Variants in BTG4 observed in about 807,000 individuals in gnomAD.
The protein encoded by BTG4 is BTG anti-proliferation factor 4, also known as protein BTG4.
A neutral mutation model predicts 19.3 loss-of-function variants in BTG4; 10 were observed. The ratio of observed to expected loss-of-function variants is 0.52; its 90% confidence interval spans 0.32 to 0.88. The LOEUF is 0.88. BTG4 is among the 40% of genes least tolerant of loss of function. The pLI is 0.04. For synonymous variants in BTG4, 91 were observed against 95.7 expected, an observed-to-expected ratio of 0.95 and a Z score of 0.29; for missense variants, 238 against 281.9, an observed-to-expected ratio of 0.84 and a Z score of 1.11.
chr11:111,402,496 G>T, the BTG4 span, among the ~76,000 whole-genome samples: 1 of 152,192 alleles, frequency 6.6e-6, no homozygotes, highest in Non-Finnish European at 1.5e-5. Context: ...GAGGAAAAGT[G>T]AATTCTATGT....
chr11:111,454,355 G>A, the BTG4 span: 3 of 454,184 alleles, frequency 6.6e-6, no homozygotes, highest in South Asian at 3.1e-5. Context: ...CACGAAGGAA[G>A]AGGTAACTGG....
downstream of BTG4, among the ~76,000 whole-genome samples, chr11:111,492,524 G>A (rs775850748): frequency 2.1e-4 from 32 of 152,080 alleles, no homozygotes; most frequent in South Asian, 2.1e-4. Flanking sequence ...ATTTAATGCC[G>A]TGTATCAGAT....
chr11:111,416,200 G>A, the BTG4 span, among the ~76,000 whole-genome samples: 1 of 152,078 alleles, frequency 6.6e-6, no homozygotes, highest in Non-Finnish European at 1.5e-5. Flanking sequence ...ACTACTGAGG[G>A]TTGAGCCTGA....
At chr11:111,481,453 T>C (rs1864734864) in intron 5 of BTG4, among the ~76,000 whole-genome samples, 1 of 151,788 alleles carries the variant, frequency 6.6e-6, no homozygotes, top group Non-Finnish European at 1.5e-5. Context: ...ACAGTATGTA[T>C]ATAATAAATT....
At chr11:111,509,512 T>C (rs1866708091) in intron 1 of BTG4, among the ~76,000 whole-genome samples, 1 of 151,826 alleles carries the variant, frequency 6.6e-6, no homozygotes, top group African/African-American at 2.4e-5. Flanking sequence ...CTGGCCAACA[T>C]AGTGAAACCC....
At chr11:111,454,205 G>A in the BTG4 span, 1 of 438,978 alleles carries the variant, frequency 2.3e-6, no homozygotes, top group South Asian at 1.7e-5. Flanking sequence ...CATTTCAGGA[G>A]GATAATCCTT....
chr11:111,445,476 C>T, the BTG4 span, among the ~76,000 whole-genome samples: 1 of 152,200 alleles, frequency 6.6e-6, no homozygotes, highest in Non-Finnish European at 1.5e-5. Flanking sequence ...ATCGTGCCCT[C>T]CTTTGTTATA....
chr11:111,466,292 T>TA (rs374813908), downstream of BTG4, among the ~76,000 whole-genome samples: 38 of 152,104 alleles, frequency 2.5e-4, no homozygotes, highest in Non-Finnish European at 5.1e-4. Flanking sequence ...CAAAAACAAT[T>TA]AAAAAAATAG....
chr11:111,428,504 T>C, the BTG4 span, among the ~76,000 whole-genome samples: 1 of 152,156 alleles, frequency 6.6e-6, no homozygotes, highest in Non-Finnish European at 1.5e-5. Context: ...GACTATGGCA[T>C]TGGGCCACAC....
At chr11:111,466,236 C>T (rs1863711316), downstream of BTG4, among the ~76,000 whole-genome samples, 1 of 152,192 alleles carries the variant, frequency 6.6e-6, no homozygotes, top group African/African-American at 2.4e-5. Flanking sequence ...GCTACTTCAG[C>T]AGTCTTCCCT....
intron 5 of BTG4, among the ~76,000 whole-genome samples, chr11:111,480,329 C>T (rs1864660980): frequency 6.6e-6 from 1 of 151,998 alleles, no homozygotes; most frequent in Admixed American, 6.6e-5. Context: ...AACTGCAACA[C>T]ATGTGAAACA....
the BTG4 span, among the ~76,000 whole-genome samples, chr11:111,446,546 T>C: frequency 6.6e-6 from 1 of 152,104 alleles, no homozygotes; most frequent in Non-Finnish European, 1.5e-5. Context: ...GACAGGAACG[T>C]TTTGGAATTG....
the BTG4 span, among the ~76,000 whole-genome samples, chr11:111,458,805 CAACAA>C: frequency 6.6e-6 from 1 of 152,206 alleles, no homozygotes; most frequent in South Asian, 2.1e-4. Context: ...CCACAAATAA[CAACAA>C]AACAAAAAGA....
At chr11:111,388,041 T>C in the BTG4 span, among the ~76,000 whole-genome samples, 2 of 152,198 alleles carry the variant, frequency 1.3e-5, no homozygotes, top group African/African-American at 4.8e-5. Context: ...AAAATACTTA[T>C]TGAGCACAAA....
the BTG4 span, among the ~76,000 whole-genome samples, chr11:111,420,000 A>C: frequency 1.3e-5 from 2 of 152,216 alleles, no homozygotes; most frequent in Admixed American, 6.5e-5. Context: ...CTGACTCAGC[A>C]CCAGGCACCC....
the BTG4 span, among the ~76,000 whole-genome samples, chr11:111,398,681 GTGCTGC>G: frequency 5.3e-5 from 8 of 152,116 alleles, no homozygotes; most frequent in African/African-American, 1.9e-4. Flanking sequence ...CCAGGTGATG[GTGCTGC>G]TGCTGGTCTG....
the BTG4 span, among the ~76,000 whole-genome samples, chr11:111,408,557 AC>A: frequency 6.6e-6 from 1 of 152,182 alleles, no homozygotes; most frequent in African/African-American, 2.4e-5. Flanking sequence ...CAAACAGGGG[AC>A]CAGGTGTACA....
chr11:111,490,156 C>T (rs114947421), downstream of BTG4, among the ~76,000 whole-genome samples: 839 of 150,726 alleles, frequency 5.6e-3, 3 homozygotes, highest in African/African-American at 0.019. Context: ...GTGGCGGGCA[C>T]GTGCTACTCG....
chr11:111,429,134 C>T, the BTG4 span, among the ~76,000 whole-genome samples: 9 of 152,124 alleles, frequency 5.9e-5, no homozygotes, highest in Non-Finnish European at 1.0e-4. Context: ...GTTGTGCAAC[C>T]ATCACCACTA....
Sources: allele counts gnomAD v4.1 joint callset (sites outside exome capture counted in the v4.1 genomes callset), GRCh38; gene constraint gnomAD v4.1.1; transcripts MANE v1.5; gene names NCBI Gene and HGNC (gene_info 2026-07-23, HGNC 2026-07-21).